Variants in ERC2 observed in about 807,000 individuals in gnomAD.
ERC2 encodes the protein ELKS/RAB6-interacting/CAST family member 2.
Under a neutral mutation model 114.8 loss-of-function variants are expected in ERC2, and 42 were observed. The observed-to-expected ratio is 0.37, with a 90% CI of 0.29 to 0.47. The LOEUF (loss-of-function observed/expected upper bound fraction) is 0.47, where lower values mean the gene tolerates loss of function less well. Ranked by LOEUF, ERC2 falls within the 20% of genes least tolerant of loss-of-function variation. ERC2 has a pLI of 0.99. For missense variants in ERC2, 939 were observed against 1,150.7 expected (o/e 0.82, Z 2.66); for synonymous variants, 454 against 425.5 (o/e 1.07, Z -0.82).
intron 3 of ERC2, among the ~76,000 whole-genome samples, chr3:56,281,386 G>A (rs960452415): frequency 2.9e-5 from 3 of 101,952 alleles, no homozygotes; most frequent in Non-Finnish European, 3.7e-5. Context: ...GCAGTGAGCC[G>A]AGATCCCGCC....
intron 1 of ERC2, among the ~76,000 whole-genome samples, chr3:56,447,502 C>A (rs1445578363): frequency 6.6e-6 from 1 of 152,124 alleles, no homozygotes; most frequent in Non-Finnish European, 1.5e-5. Context: ...GCTAAACTGG[C>A]ACATGGGTTC....
intron 17 of ERC2, among the ~76,000 whole-genome samples, chr3:55,647,541 C>T (rs554704226): frequency 6.6e-6 from 1 of 152,142 alleles, no homozygotes; most frequent in African/African-American, 2.4e-5. Context: ...CTGTGTTCTG[C>T]AGGGATACAA....
At position 56,018,819 on chromosome 3, in the gene ERC2, A is replaced by G. The variant is rs2305879; in HGVS notation, c.1779+75T>C. 577 of 1,506,104 alleles carry G rather than the reference A, an allele frequency of 3.8e-4. 2 individuals are homozygous for G. The highest frequency in any genetic ancestry group is 2.7e-3 in the East Asian group (117 of 43,668). The allele number at this position is 1,506,104 out of a possible 1,614,324, so 93.3% of individuals were successfully genotyped here. On this transcript the variant is annotated intron_variant, in intron 8 of 17. Coordinates refer to ENST00000288221, the MANE Select transcript of ERC2 (RefSeq NM_015576.3). ...CAAAAGAAGAAAAGCAGGCACATTTAAATGCATTGGGATCAACTTTCCCCA... is the reference window on the plus strand; with the variant it reads ...CAAAAGAAGAAAAGCAGGCACATTTGAATGCATTGGGATCAACTTTCCCCA...
At chr3:55,555,663 C>T (rs1441749453) in intron 17 of ERC2, among the ~76,000 whole-genome samples, 1 of 152,204 alleles carries the variant, frequency 6.6e-6, no homozygotes, top group African/African-American at 2.4e-5. Context: ...CTTCAAGAAT[C>T]ATTGCCACAG....
At chr3:56,186,465 A>G (rs1365673975) in intron 3 of ERC2, among the ~76,000 whole-genome samples, 1 of 152,164 alleles carries the variant, frequency 6.6e-6, no homozygotes, top group African/African-American at 2.4e-5. Context: ...CGATGATAAC[A>G]GTATCCAAGT....
At chr3:55,959,259 C>T (rs753166640) in intron 12 of ERC2, among the ~76,000 whole-genome samples, 2 of 152,146 alleles carry the variant, frequency 1.3e-5, no homozygotes, top group Non-Finnish European at 2.9e-5. Flanking sequence ...TTCACTCTGG[C>T]GGAGGTTCTG....
intron 2 of ERC2, among the ~76,000 whole-genome samples, chr3:56,364,959 A>C (rs2059094929): frequency 6.6e-6 from 1 of 152,090 alleles, no homozygotes; most frequent in Non-Finnish European, 1.5e-5. Flanking sequence ...GAGTTCCACC[A>C]CTCACCAAGT....
intron 17 of ERC2, among the ~76,000 whole-genome samples, chr3:55,607,336 G>A (rs1480912687): frequency 1.3e-5 from 2 of 152,152 alleles, no homozygotes; most frequent in African/African-American, 4.8e-5. Flanking sequence ...GACATGTAAC[G>A]CTGAGCCTGG....
chr3:56,396,960 A>C (rs948937436), intron 2 of ERC2, among the ~76,000 whole-genome samples: 2 of 151,818 alleles, frequency 1.3e-5, no homozygotes, highest in African/African-American at 4.8e-5. Flanking sequence ...ACGACTCCCT[A>C]CCTCAAGCCA....
At chr3:56,248,488 C>G (rs13077690) in intron 3 of ERC2, among the ~76,000 whole-genome samples, 1 of 151,970 alleles carries the variant, frequency 6.6e-6, no homozygotes, top group Non-Finnish European at 1.5e-5. Context: ...CATTCAAGAT[C>G]GAATTTTCCA....
intron 7 of ERC2, among the ~76,000 whole-genome samples, chr3:56,038,885 A>G (rs900995117): frequency 6.6e-6 from 1 of 152,224 alleles, no homozygotes; most frequent in Non-Finnish European, 1.5e-5. Context: ...CTGAACAATG[A>G]GAACATATGG....
chr3:55,983,504 T>C (rs1196272268), intron 12 of ERC2, among the ~76,000 whole-genome samples: 2 of 152,218 alleles, frequency 1.3e-5, no homozygotes, highest in African/African-American at 4.8e-5. Context: ...TGGAATATGA[T>C]GCTTGCATTT....
chr3:56,294,103 C>T (rs981194211), intron 3 of ERC2, among the ~76,000 whole-genome samples: 1 of 152,206 alleles, frequency 6.6e-6, no homozygotes, highest in Non-Finnish European at 1.5e-5. Context: ...TTCCAAAATC[C>T]ACAGTTAGTC....
chr3:56,286,978 G>A (rs891662056), intron 3 of ERC2, among the ~76,000 whole-genome samples: 9 of 152,174 alleles, frequency 5.9e-5, no homozygotes, highest in African/African-American at 1.9e-4. Flanking sequence ...CTGCTGTAAC[G>A]ATAGCCACTC....
intron 1 of ERC2, among the ~76,000 whole-genome samples, chr3:56,436,607 A>G (rs2062030620): frequency 6.6e-6 from 1 of 152,056 alleles, no homozygotes. Flanking sequence ...ACCATCCTGG[A>G]TGGTGCAAGG....
chr3:55,649,956 G>A (rs575514744), intron 17 of ERC2, among the ~76,000 whole-genome samples: 6 of 152,290 alleles, frequency 3.9e-5, no homozygotes, highest in Admixed American at 2.6e-4. Flanking sequence ...CAGAGGGGCC[G>A]GCAGGGAGGG....
At chr3:56,294,384 C>A (rs1477207503) in intron 3 of ERC2, among the ~76,000 whole-genome samples, 1 of 152,224 alleles carries the variant, frequency 6.6e-6, no homozygotes, top group South Asian at 2.1e-4. Flanking sequence ...CATCCCAGGA[C>A]CTGTCTTCTT....
intron 7 of ERC2, among the ~76,000 whole-genome samples, chr3:56,037,256 C>A (rs114854596): frequency 1.4e-4 from 21 of 152,238 alleles, no homozygotes; most frequent in African/African-American, 3.9e-4. Context: ...AACTTCACTG[C>A]GCTAAAGGAG....
intron 16 of ERC2, among the ~76,000 whole-genome samples, chr3:55,693,386 C>T (rs900624982): frequency 2.0e-5 from 3 of 152,134 alleles, no homozygotes; most frequent in African/African-American, 7.2e-5. Flanking sequence ...GCTCCAGATC[C>T]TTACATGTTC....
Sources: gnomAD v4.1 joint callset for allele counts (sites outside exome capture counted in the v4.1 genomes callset) on GRCh38, gnomAD v4.1.1 for gene constraint, MANE v1.5 for transcripts, NCBI Gene and HGNC (gene_info 2026-07-23, HGNC 2026-07-21) for gene names.